The following PPP2R2C variants were observed in gnomAD, a reference collection of about 807,000 sequenced individuals.
PPP2R2C encodes protein phosphatase 2 regulatory subunit Bgamma.
PPP2R2C carries 10 observed loss-of-function variants against 45.3 expected under a neutral mutation model. The ratio of observed to expected loss-of-function variants is 0.22; its 90% CI spans 0.14 to 0.37. The LOEUF is 0.37. Ranked by LOEUF, PPP2R2C falls within the 10% of genes least tolerant of loss-of-function variation. The pLI is 1.00. For synonymous variants in PPP2R2C, 257 were observed against 245.4 expected, an observed-to-expected ratio of 1.05 and a Z score of -0.44; for missense variants, 308 against 619.7, an observed-to-expected ratio of 0.50 and a Z score of 5.34.
intron 1 of PPP2R2C, among the ~76,000 whole-genome samples, chr4:6,557,056 G>A (rs1725425083): frequency 6.6e-6 from 1 of 152,062 alleles, no homozygotes; most frequent in South Asian, 2.1e-4. Flanking sequence ...AGGAACAAGG[G>A]GTACAAGCCT....
At chr4:6,511,390 G>T (rs1041648976) in intron 2 of PPP2R2C, among the ~76,000 whole-genome samples, 1 of 150,632 alleles carries the variant, frequency 6.6e-6, no homozygotes. Context: ...GGTGGTGATG[G>T]TGATGGTGGT....
In PPP2R2C at chr4:6,383,941, T is replaced by C. The variant is rs959050524; in HGVS notation, c.71-2847A>G. On this transcript the variant is annotated intron_variant, in intron 1 of 8. Coordinates refer to ENST00000382599, the MANE Select transcript of PPP2R2C (RefSeq NM_020416.4). The stretch of plus-strand genomic sequence containing the variant: ...GCCAGCTTTGAGGCAACAGAAAAGA[T>C]TGAGAGAGGGTGGTTAGAAGTGGGA... 1.2e-5 allele frequency: 12 copies of C among 985,626 alleles called. No individual in the cohort carries two copies. In the East Asian group the frequency reaches 5.7e-4, roughly 47 times the overall value. 61.1% of individuals were successfully genotyped at this position (985,626 alleles called of 1,614,324 possible).
rs138316556 is a variant in PPP2R2C, at chr4:6,540,537, C to G, written c.-58-5160G>C. 8.5e-5 allele frequency among the ~76,000 whole-genome samples: 13 copies of G among 152,340 alleles called. No individual in the cohort carries two copies. The East Asian group carries it at 2.3e-3, about 27-fold the overall frequency. On this transcript the variant is annotated intron_variant, in intron 1 of 9. Coordinates refer to the PPP2R2C transcript ENST00000506140. ...TATGAATAGTGCCACTATGAACATT[C>G]ATGTGCAACTTTTTGTATGGATGGA...
At chr4:6,428,265 G>A (rs4689443) in intron 1 of PPP2R2C, among the ~76,000 whole-genome samples, 109,625 of 152,154 alleles carry the variant, frequency 0.72, 39,957 homozygotes, top group Non-Finnish European at 0.75. Context: ...CCAGGTTCCC[G>A]TCAACATGGC....
At chr4:6,421,170 C>T in intron 1 of PPP2R2C, 1 of 975,616 alleles carries the variant, frequency 1.0e-6, no homozygotes, top group Non-Finnish European at 1.2e-6. Context: ...CTGGTTAGCA[C>T]ATGACCAGTG....
intron 2 of PPP2R2C, among the ~76,000 whole-genome samples, chr4:6,523,282 G>A: frequency 6.6e-6 from 1 of 152,184 alleles, no homozygotes; most frequent in East Asian, 1.9e-4. Context: ...CAAGACTTCA[G>A]AGTCAGGCCC....
At chr4:6,554,292 C>T (rs527622983) in intron 1 of PPP2R2C, among the ~76,000 whole-genome samples, 8 of 152,286 alleles carry the variant, frequency 5.3e-5, no homozygotes, top group South Asian at 2.1e-4. Flanking sequence ...GCAGACACCA[C>T]GGTGACACCA....
intron 5 of PPP2R2C, chr4:6,348,865 T>C (rs1203842134): frequency 1.5e-6 from 1 of 668,564 alleles, no homozygotes. Context: ...TGGGAGCCAA[T>C]AAATGTCCAT....
intron 1 of PPP2R2C, among the ~76,000 whole-genome samples, chr4:6,434,371 TTTTTG>T (rs1719785542): frequency 7.0e-6 from 1 of 142,672 alleles, no homozygotes; most frequent in African/African-American, 2.6e-5. Context: ...TTTTTTTTTT[TTTTTG>T]GAGACAGAGT....
At chr4:6,347,380 T>A (rs1004210114) in intron 6 of PPP2R2C, among the ~76,000 whole-genome samples, 2 of 151,948 alleles carry the variant, frequency 1.3e-5, no homozygotes, top group Non-Finnish European at 2.9e-5. Flanking sequence ...GGTTCTAGGA[T>A]GAGGGGACAT....
At chr4:6,475,193 G>T (rs1722097973), upstream of PPP2R2C, among the ~76,000 whole-genome samples, 1 of 152,088 alleles carries the variant, frequency 6.6e-6, no homozygotes, top group Non-Finnish European at 1.5e-5. Context: ...AGATGAACGG[G>T]GATGGAGATG....
Position 6,359,148 on chromosome 4 carries a change from T to C in PPP2R2C, c.626-11138A>G, listed in dbSNP as rs184552356. 6.7e-3 allele frequency among the ~76,000 whole-genome samples: 1,023 copies of C among 152,352 alleles called. 6 individuals are homozygous for C. The highest frequency in any genetic ancestry group is 0.054 in the Middle Eastern group (16 of 294). ...AAGAAAATGTGGCACATATACACCA[T>C]TGAATACTATGCAGCCATAAAAAAG... On this transcript the variant is annotated intron_variant, in intron 5 of 8. Coordinates refer to ENST00000382599, the MANE Select transcript of PPP2R2C (RefSeq NM_020416.4).
chr4:6,474,911 C>A (rs1272340592), upstream of PPP2R2C, among the ~76,000 whole-genome samples: 1 of 152,134 alleles, frequency 6.6e-6, no homozygotes, highest in Admixed American at 6.5e-5. Context: ...AGCCCTGCCC[C>A]CGCTGACAGA....
chr4:6,531,018 G>A (rs979668004), intron 2 of PPP2R2C, among the ~76,000 whole-genome samples: 4 of 152,302 alleles, frequency 2.6e-5, no homozygotes, highest in Admixed American at 6.5e-5. Context: ...GGAGGAGCCC[G>A]CTCTGAGTGA....
chr4:6,445,672 T>G (rs577564999), intron 1 of PPP2R2C, among the ~76,000 whole-genome samples: 1 of 152,360 alleles, frequency 6.6e-6, no homozygotes, highest in South Asian at 2.1e-4. Flanking sequence ...TGAGCTATGA[T>G]GGCACCACGG....
rs1011143728 is a variant in PPP2R2C at position 6,349,936 on chromosome 4, G to C, written c.626-1926C>G. 3.0e-6 allele frequency: 3 copies of C among 985,172 alleles called. No individual in the cohort carries two copies. In the Admixed American group the frequency reaches 1.8e-4, roughly 61 times the overall value. The allele number at this position is 985,172 out of a possible 1,614,324, so 61.0% of individuals were successfully genotyped here. A position where few individuals can be genotyped will look rare whatever the true frequency, so the allele number is the denominator to read the frequency against. ...TTTTCTGACCTCTCTAAACCCGAGG[G>C]TTTATAAAATGCCAGGGAAAAAAAT... On this transcript the variant is annotated intron_variant, in intron 5 of 8. Coordinates refer to ENST00000382599, the MANE Select transcript of PPP2R2C (RefSeq NM_020416.4).
At chr4:6,382,662 C>G (rs1715906243) in intron 1 of PPP2R2C, 9 of 261,248 alleles carry the variant, frequency 3.4e-5, no homozygotes, top group South Asian at 2.3e-4. Context: ...CTCTCTCTCT[C>G]TCTCTCTCTC....
intron 1 of PPP2R2C, among the ~76,000 whole-genome samples, chr4:6,427,844 G>A (rs1304935726): frequency 6.6e-6 from 1 of 151,738 alleles, no homozygotes; most frequent in Non-Finnish European, 1.5e-5. Context: ...AGATGGCTGC[G>A]GGTATCAGGT....
At position 6,332,863 on chromosome 4, in the gene PPP2R2C, T is replaced by C. The variant is rs28396928; in HGVS notation, c.960+699A>G. ...TTGCACGGCCAGATCTTACCCATCC[T>C]TCAAGGCCCAGCACAAATGCCACCT... is the stretch of plus-strand genomic sequence containing the variant. On this transcript the variant is annotated intron_variant, in intron 7 of 8. Transcript: ENST00000382599. The surrounding 1 kb of genome is among the most constrained non-coding windows in gnomAD (Gnocchi z 4.9). Among the ~76,000 whole-genome samples, 5,841 of 152,196 alleles carry C rather than the reference T, an allele frequency of 0.038. 344 individuals carry two copies. Among genetic ancestry groups the C allele is most frequent in the African/African-American group, 0.13 (5,556 of 41,484 alleles).
Sources: gnomAD v4.1 joint callset for allele counts (sites outside exome capture counted in the v4.1 genomes callset) on GRCh38, gnomAD v4.1.1 for gene constraint, Gnocchi (gnomAD v3.1) non-coding constraint, MANE v1.5 for transcripts, NCBI Gene and HGNC (gene_info 2026-07-23, HGNC 2026-07-21) for gene names.